The following ERG variants were observed in gnomAD, a reference collection of about 807,000 sequenced individuals.
The protein encoded by ERG is transcriptional regulator ERG.
In ERG, 9 loss-of-function variants were observed where a neutral mutation model predicts 55.3. That is an observed-to-expected ratio of 0.16 (90% CI 0.10 to 0.28). The LOEUF (loss-of-function observed/expected upper bound fraction) is 0.28. ERG is among the 10% of genes least tolerant of loss of function. The pLI is 1.00. For missense variants in ERG, 434 were observed against 631.6 expected (o/e 0.69, Z 3.35); for synonymous variants, 223 against 237.3 (o/e 0.94, Z 0.55).
intron 2 of ERG, among the ~76,000 whole-genome samples, chr21:38,509,946 C>G (rs2059498505): frequency 6.6e-6 from 1 of 152,158 alleles, no homozygotes. Context: ...AGGGGCTTCC[C>G]TCAGTCAATT....
At chr21:38,552,669 G>C (rs967691000) in intron 2 of ERG, among the ~76,000 whole-genome samples, 1 of 151,886 alleles carries the variant, frequency 6.6e-6, no homozygotes, top group Non-Finnish European at 1.5e-5. Flanking sequence ...ACTAGGCATT[G>C]AAAGAACATA....
chr21:38,562,969 A>C (rs1369480036), intron 2 of ERG, among the ~76,000 whole-genome samples: 1 of 152,256 alleles, frequency 6.6e-6, no homozygotes, highest in Non-Finnish European at 1.5e-5. Context: ...CTAAGCCATG[A>C]AAAGACGAGG....
chr21:38,475,850 G>A (rs1262024320), intron 1 of ERG, among the ~76,000 whole-genome samples: 3 of 152,144 alleles, frequency 2.0e-5, no homozygotes, highest in Non-Finnish European at 2.9e-5. Flanking sequence ...GCACCCATGA[G>A]CCTAGTGGGT....
intron 1 of ERG, among the ~76,000 whole-genome samples, chr21:38,596,738 T>C (rs1053413005): frequency 6.6e-6 from 1 of 152,168 alleles, no homozygotes; most frequent in Non-Finnish European, 1.5e-5. Context: ...AATTAACCTC[T>C]GAAAATCTCA....
chr21:38,541,968 G>A (rs1393638115), intron 2 of ERG, among the ~76,000 whole-genome samples: 1 of 50,850 alleles, frequency 2.0e-5, no homozygotes, highest in Non-Finnish European at 4.0e-5. Flanking sequence ...TAGCTTCAAA[G>A]TAAAAATACT....
At chr21:38,600,088 A>C (rs2060155405) in intron 1 of ERG, among the ~76,000 whole-genome samples, 1 of 152,224 alleles carries the variant, frequency 6.6e-6, no homozygotes, top group South Asian at 2.1e-4. Context: ...AGGGCCAGGA[A>C]GTTTACAAGA....
chr21:38,389,369 TATGGGGGGCATTCTGC>T (rs1987861281), intron 9 of ERG, among the ~76,000 whole-genome samples: 1 of 152,068 alleles, frequency 6.6e-6, no homozygotes, highest in Non-Finnish European at 1.5e-5. Context: ...ACAGACATTC[TATGGGGGGCATTCTGC>T]GGGATGGGAG....
intron 2 of ERG, among the ~76,000 whole-genome samples, chr21:38,429,733 G>A (rs1445619605): frequency 1.3e-5 from 1 of 74,702 alleles, no homozygotes. Flanking sequence ...ATATATATGT[G>A]TGTATATATA....
chr21:38,478,211 C>A (rs1255776572), intron 1 of ERG, among the ~76,000 whole-genome samples: 1 of 152,128 alleles, frequency 6.6e-6, no homozygotes, highest in Non-Finnish European at 1.5e-5. Flanking sequence ...ACTACTGTAC[C>A]CTGGGACAAG....
At chr21:38,623,380 G>A (rs970943795) in intron 1 of ERG, among the ~76,000 whole-genome samples, 2 of 151,870 alleles carry the variant, frequency 1.3e-5, no homozygotes, top group African/African-American at 4.8e-5. Context: ...AAATTTGCAT[G>A]AAATAAACAT....
intron 2 of ERG, among the ~76,000 whole-genome samples, chr21:38,424,307 G>A (rs1401958975): frequency 4.6e-5 from 7 of 151,990 alleles, no homozygotes; most frequent in Admixed American, 3.9e-4. Flanking sequence ...GGCCCTGCTG[G>A]TGTCTGATTT....
intron 2 of ERG, among the ~76,000 whole-genome samples, chr21:38,559,794 C>A (rs541827517): frequency 6.6e-6 from 1 of 152,250 alleles, no homozygotes; most frequent in Non-Finnish European, 1.5e-5. Context: ...TGATTTCCTG[C>A]CTCAGTCTCC....
At chr21:38,443,042 C>T (rs1238187815) in intron 2 of ERG, among the ~76,000 whole-genome samples, 16 of 152,206 alleles carry the variant, frequency 1.1e-4, no homozygotes, top group Non-Finnish European at 2.9e-5. Context: ...CTCTTGACCT[C>T]GTGATCCACC....
At chr21:38,453,082 T>C (rs2058956032) in intron 1 of ERG, among the ~76,000 whole-genome samples, 1 of 152,218 alleles carries the variant, frequency 6.6e-6, no homozygotes, top group Non-Finnish European at 1.5e-5. Context: ...ATGGATTGTG[T>C]AGCCAACGCC....
rs1569123292 is a variant in ERG at position 38,468,997 on chromosome 21, AAAAAG to A, written c.19-23381_19-23377del. On this transcript the variant is annotated intron_variant, in intron 1 of 9. Coordinates refer to ENST00000288319, the MANE Select transcript of ERG (RefSeq NM_182918.4). ...GACTCTGTCTCAAAAAAAAAAAAAAAAAAAGAAAAAAAAAAAAGAAAATGTGGCTT... is the reference window on the plus strand; with the variant it reads ...GACTCTGTCTCAAAAAAAAAAAAAAAAAAAAAAAAAAAGAAAATGTGGCTT... Among the ~76,000 whole-genome samples, 18 of 69,256 alleles carry A rather than the reference AAAAAG, an allele frequency of 2.6e-4. 1 individual carries two copies. Among genetic ancestry groups the A allele is most frequent in the Non-Finnish European group, 4.5e-4 (10 of 22,310 alleles). 45.4% of individuals were successfully genotyped at this position (69,256 alleles called of 152,430 possible).
At chr21:38,597,499 A>ACACG (rs1009692817) in intron 1 of ERG, among the ~76,000 whole-genome samples, 2 of 150,988 alleles carry the variant, frequency 1.3e-5, no homozygotes, top group African/African-American at 4.9e-5. Context: ...ACACACACAC[A>ACACG]CGCACACAGA....
At chr21:38,527,320 G>A (rs2059637153) in intron 2 of ERG, among the ~76,000 whole-genome samples, 1 of 152,208 alleles carries the variant, frequency 6.6e-6, no homozygotes, top group Admixed American at 6.5e-5. Flanking sequence ...TGGGGGCTTG[G>A]AAATGGAAAC....
chr21:38,594,051 T>C (rs187644105), intron 1 of ERG, among the ~76,000 whole-genome samples: 1 of 152,306 alleles, frequency 6.6e-6, no homozygotes, highest in African/African-American at 2.4e-5. Flanking sequence ...AAGGTTTCCT[T>C]GTGCTCTTTA....
intron 2 of ERG, among the ~76,000 whole-genome samples, chr21:38,550,984 A>T (rs577593316): frequency 2.8e-4 from 43 of 152,378 alleles, no homozygotes; most frequent in African/African-American, 1.0e-3. Flanking sequence ...TAACATTTTC[A>T]TATCAGTTGG....
Sources: allele counts gnomAD v4.1 joint callset (sites outside exome capture counted in the v4.1 genomes callset), GRCh38; gene constraint gnomAD v4.1.1; transcripts MANE v1.5; gene names NCBI Gene and HGNC (gene_info 2026-07-23, HGNC 2026-07-21).